Variants in CHRNB3 observed in about 807,000 individuals in gnomAD.
The protein encoded by CHRNB3 is neuronal acetylcholine receptor subunit beta-3.
CHRNB3 carries 37 observed loss-of-function variants against 40.6 expected under a neutral mutation model. The ratio of observed to expected loss-of-function variants is 0.91; its 90% CI spans 0.70 to 1.20. The LOEUF is 1.20. CHRNB3 is among the 50% of genes most tolerant of loss of function. The pLI, the probability that CHRNB3 is intolerant of heterozygous loss-of-function variation, is 0.00. For synonymous variants in CHRNB3, 207 were observed against 207.1 expected (o/e 1.00, Z 0.00); for missense variants, 505 against 551.2 (o/e 0.92, Z 0.84).
intron 3 of CHRNB3, among the ~76,000 whole-genome samples, chr8:42,710,842 A>T (rs889899453): frequency 1.3e-5 from 2 of 152,176 alleles, no homozygotes; most frequent in African/African-American, 2.4e-5. Flanking sequence ...CTGTGGGTAG[A>T]ATCTACCTCT....
At chr8:42,711,114 T>C (rs1816007584) in intron 3 of CHRNB3, among the ~76,000 whole-genome samples, 1 of 152,162 alleles carries the variant, frequency 6.6e-6, no homozygotes, top group African/African-American at 2.4e-5. Flanking sequence ...ATAATTACCA[T>C]TCAAATCCCA....
At chr8:42,704,629 C>T (rs775272043) in intron 1 of CHRNB3, 2 of 152,240 alleles carry the variant, frequency 1.3e-5, no homozygotes, top group African/African-American at 4.8e-5. Context: ...CAAGAACCCT[C>T]TCTCTTATGT....
chr8:42,721,973 A>G (rs1483634172), intron 3 of CHRNB3: 2 of 152,156 alleles, frequency 1.3e-5, no homozygotes, highest in African/African-American at 4.8e-5. Flanking sequence ...TGTTCCACAA[A>G]AGGAAACTGG....
intron 1 of CHRNB3, among the ~76,000 whole-genome samples, chr8:42,699,753 G>A (rs1231883987): frequency 6.6e-6 from 1 of 152,032 alleles, no homozygotes; most frequent in East Asian, 1.9e-4. Flanking sequence ...CAACAAGAGC[G>A]AAACTCGGTC....
intron 3 of CHRNB3, among the ~76,000 whole-genome samples, chr8:42,718,544 G>T (rs926923350): frequency 2.6e-5 from 4 of 151,792 alleles, no homozygotes; most frequent in African/African-American, 9.7e-5. Context: ...ATGGTGGCAG[G>T]TGCCTGTAGT....
intron 3 of CHRNB3, chr8:42,725,944 A>G (rs748991852): frequency 1.7e-5 from 17 of 997,364 alleles, no homozygotes; most frequent in Non-Finnish European, 2.7e-5. Flanking sequence ...CACGCCATCA[A>G]TCCTTTCGAT....
chr8:42,707,437 G>A (rs775924876), intron 1 of CHRNB3, among the ~76,000 whole-genome samples: 1 of 152,158 alleles, frequency 6.6e-6, no homozygotes, highest in Admixed American at 6.6e-5. Flanking sequence ...GATATTAATC[G>A]GGTGCTGAAC....
intron 1 of CHRNB3, among the ~76,000 whole-genome samples, chr8:42,703,441 T>TAAAAAAA (rs1563606389): frequency 1.7e-4 from 2 of 12,026 alleles, no homozygotes; most frequent in Non-Finnish European, 3.4e-4. Context: ...AAAAAATATT[T>TAAAAAAA]ATATATATAT....
At position 42,736,777 on chromosome 8, in the gene CHRNB3, C is replaced by T; in HGVS notation, c.*159C>T. 1 of 902,518 alleles carries T rather than the reference C, an allele frequency of 1.1e-6. No individual in the cohort carries two copies. Among genetic ancestry groups the T allele is most frequent in the South Asian group, 1.6e-5 (1 of 60,748 alleles). 55.9% of individuals were successfully genotyped at this position (902,518 alleles called of 1,614,324 possible). A position where few individuals can be genotyped will look rare whatever the true frequency, so the allele number is the denominator to read the frequency against. On this transcript the variant is annotated 3_prime_UTR_variant, in exon 6 of 6. Transcript: ENST00000289957. ...TGGGAGAAACTCTGGTAAATGTGCT[C>T]ATTTGTGGTTGCCATGAGAGTGAGC...
chr8:42,697,965 T>C (rs1195970619), intron 1 of CHRNB3, among the ~76,000 whole-genome samples: 2 of 152,248 alleles, frequency 1.3e-5, no homozygotes, highest in Non-Finnish European at 2.9e-5. Flanking sequence ...CATTTTTCTA[T>C]CATATTTACC....
At chr8:42,721,191 A>G (rs993989553) in intron 3 of CHRNB3, among the ~76,000 whole-genome samples, 6 of 152,234 alleles carry the variant, frequency 3.9e-5, no homozygotes, top group African/African-American at 1.4e-4. Flanking sequence ...TTTAGTTGCA[A>G]GTGACAGAAA....
rs776335391 is a variant in CHRNB3 at position 42,708,771 on chromosome 8, T to C, written c.107T>C (p.Leu36Ser). Residue 36 changes from leucine to serine, a missense_variant, in exon 2 of 6, where the codon TTG becomes TCG. Transcript: ENST00000289957. The part of the protein sequence containing the change: ...AENEDALLRH[L>S]FQGYQKWVRP... The stretch of plus-strand genomic sequence containing the variant: ...AATGAAGATGCCCTCCTCAGACATT[T>C]GTTCCAAGGTTATCAGAAATGGGTC... 23 of 1,613,998 alleles carry C rather than the reference T, an allele frequency of 1.4e-5. No individual in the cohort carries two copies. Among genetic ancestry groups the C allele is most frequent in the Non-Finnish European group, 1.8e-5 (21 of 1,179,976 alleles).
At chr8:42,704,176 A>G (rs2128904574) in intron 1 of CHRNB3, among the ~76,000 whole-genome samples, 1 of 152,298 alleles carries the variant, frequency 6.6e-6, no homozygotes, top group East Asian at 1.9e-4. Context: ...TGGCTTACAA[A>G]CAGCTGCCTT....
chr8:42,704,298 A>C (rs1815880613), intron 1 of CHRNB3: 1 of 152,202 alleles, frequency 6.6e-6, no homozygotes, highest in African/African-American at 2.4e-5. Context: ...TGAGGGATAT[A>C]AACATTCAGT....
At chr8:42,717,403 A>G (rs72644010) in intron 3 of CHRNB3, among the ~76,000 whole-genome samples, 28,366 of 50,262 alleles carry the variant, frequency 0.56, 12,597 homozygotes, top group African/African-American at 0.69. Context: ...AAAAAAAAAA[A>G]AAGCCGACCT....
Position 42,703,435 on chromosome 8 carries a change from A to AAAAAAAATATAT in CHRNB3, c.53-5281_53-5280insAAAAAATATATA. ...CAAGACTTCGTCTAAAAAAAAAAAAAATATTTATATATATATATATATATA... is the reference window on the plus strand; with the variant it reads ...CAAGACTTCGTCTAAAAAAAAAAAAAAAAAAAATATATATATTTATATATATATATATATATA... On this transcript the variant is annotated intron_variant, in intron 1 of 5. Coordinates refer to ENST00000289957, the MANE Select transcript of CHRNB3 (RefSeq NM_000749.5). Among the ~76,000 whole-genome samples, 22 of 47,406 alleles carry AAAAAAAATATAT rather than the reference A, an allele frequency of 4.6e-4. 3 individuals carry two copies. The highest frequency in any genetic ancestry group is 2.3e-3 in the Admixed American group (10 of 4,300). 31.1% of individuals were successfully genotyped at this position (47,406 alleles called of 152,430 possible).
chr8:42,702,625 T>C (rs1815829463), intron 1 of CHRNB3, among the ~76,000 whole-genome samples: 1 of 152,032 alleles, frequency 6.6e-6, no homozygotes, highest in Non-Finnish European at 1.5e-5. Context: ...TAGCTGGGCA[T>C]GGTGGCACGT....
At chr8:42,731,223 T>C (rs1386653716) in intron 4 of CHRNB3, among the ~76,000 whole-genome samples, 2 of 152,086 alleles carry the variant, frequency 1.3e-5, no homozygotes, top group African/African-American at 4.8e-5. Flanking sequence ...AATAAAAAAA[T>C]TGTTTATTAA....
intron 1 of CHRNB3, among the ~76,000 whole-genome samples, chr8:42,704,962 C>A (rs1563606993): frequency 6.6e-6 from 1 of 152,070 alleles, no homozygotes; most frequent in Non-Finnish European, 1.5e-5. Context: ...ATTTGGAGAC[C>A]AATAGTACAG....
Sources: allele counts gnomAD v4.1 joint callset (sites outside exome capture counted in the v4.1 genomes callset), GRCh38; gene constraint gnomAD v4.1.1; transcripts MANE v1.5; gene names NCBI Gene and HGNC (gene_info 2026-07-23, HGNC 2026-07-21).